The following SLC17A1 variants were observed in gnomAD, a reference collection of about 807,000 sequenced individuals.
SLC17A1 encodes sodium-dependent phosphate transport protein 1.
Under a neutral mutation model 53.5 loss-of-function variants are expected in SLC17A1, and 51 were observed. The ratio of observed to expected loss-of-function variants is 0.95; its 90% CI spans 0.76 to 1.20. The LOEUF is 1.20. Among genes scored for constraint, SLC17A1 ranks in the 50% most tolerant of loss-of-function variants. The pLI is 0.00. For missense variants in SLC17A1, 538 were observed against 568.2 expected (o/e 0.95, Z 0.54); for synonymous variants, 179 against 198.8 (o/e 0.90, Z 0.84).
chr6:25,732,324 T>C, the SLC17A1 span, among the ~76,000 whole-genome samples: 9 of 152,256 alleles, frequency 5.9e-5, no homozygotes, highest in African/African-American at 1.9e-4. Flanking sequence ...GGTTCTCTGA[T>C]TGGATAGATG....
chr6:25,733,930 T>C, the SLC17A1 span, among the ~76,000 whole-genome samples: 1 of 151,880 alleles, frequency 6.6e-6, no homozygotes, highest in Non-Finnish European at 1.5e-5. Flanking sequence ...TTCTCCTGCC[T>C]CAGCCTCCCG....
chr6:25,788,407 A>G (rs1222802989), intron 12 of SLC17A1, among the ~76,000 whole-genome samples: 1 of 152,034 alleles, frequency 6.6e-6, no homozygotes, highest in East Asian at 1.9e-4. Flanking sequence ...ACACAAGCTT[A>G]TTTTGCTTAA....
chr6:25,811,810 T>C, intron 8 of SLC17A1, 40 bp from the exon 9 acceptor site: 2 of 1,610,426 alleles, frequency 1.2e-6, no homozygotes, highest in Non-Finnish European at 1.7e-6. Context: ...GTTTGATGGG[T>C]AAAGCAGTAC....
At chr6:25,741,706 ACT>A in the SLC17A1 span, among the ~76,000 whole-genome samples, 2 of 151,818 alleles carry the variant, frequency 1.3e-5, no homozygotes, top group African/African-American at 4.8e-5. Flanking sequence ...ACAGAGCGAG[ACT>A]CTGTCTCAAA....
downstream of SLC17A1, among the ~76,000 whole-genome samples, chr6:25,781,671 A>G (rs11969060): frequency 2.5e-4 from 38 of 152,276 alleles, no homozygotes; most frequent in Non-Finnish European, 4.1e-4. Context: ...CAGAAAGCAC[A>G]TGGTGAGACA....
the SLC17A1 span, chr6:25,726,484 G>A: frequency 1.2e-6 from 2 of 1,613,152 alleles, no homozygotes; most frequent in Non-Finnish European, 1.7e-6. Context: ...GCGAGACTTA[G>A]ACTTGGCGCG....
At chr6:25,806,329 T>A (rs1165142144) in intron 10 of SLC17A1, among the ~76,000 whole-genome samples, 1 of 152,018 alleles carries the variant, frequency 6.6e-6, no homozygotes, top group African/African-American at 2.4e-5. Flanking sequence ...AAATCCAGCA[T>A]CCTTTGTAAT....
In SLC17A1 at chr6:25,792,141, C is replaced by G. The variant is rs143868951; in HGVS notation, c.*2+6642G>C. ...TCTCAGTTCCCTGAAAATCTGCATCCTTTTATATTTGGGACTTCCAGCATT... is the reference window on the plus strand; with the variant it reads ...TCTCAGTTCCCTGAAAATCTGCATCGTTTTATATTTGGGACTTCCAGCATT... On this transcript the variant is annotated intron_variant, in intron 12 of 12. Coordinates refer to ENST00000244527, the MANE Select transcript of SLC17A1 (RefSeq NM_005074.5). Among the ~76,000 whole-genome samples the G allele has an allele frequency of 7.2e-5, 11 of 152,232 alleles. No individual in the cohort carries two copies. The East Asian group carries it at 2.1e-3, about 29-fold the overall frequency.
Position 25,811,493 on chromosome 6 carries a change from G to T in SLC17A1, c.1083C>A (p.Thr361=), listed in dbSNP as rs1406646693. ...FGVCLPYLSS[T]FYSIVIFLIL... is the part of the protein sequence containing the mutation. Reference sequence around the variant, plus strand: ...TTAGGAAAATGACAATGCTGTAGAAGGTGGAACTCAGGTAAGGCAGGCAGA... The same window carrying T: ...TTAGGAAAATGACAATGCTGTAGAATGTGGAACTCAGGTAAGGCAGGCAGA... The change falls in exon 10 of 13, where the codon ACC becomes ACA. Residue 361 remains threonine (T), a synonymous_variant. Transcript: ENST00000244527. 1 of 1,613,884 alleles carries T rather than the reference G, an allele frequency of 6.2e-7. No homozygotes were observed. The highest frequency in any genetic ancestry group is 1.7e-5 in the Admixed American group (1 of 59,990).
intron 10 of SLC17A1, among the ~76,000 whole-genome samples, chr6:25,802,935 CTTTTTTT>C (rs34669145): frequency 6.5e-5 from 3 of 46,098 alleles, no homozygotes; most frequent in African/African-American, 1.8e-4. Flanking sequence ...CTATCTTCTT[CTTTTTTT>C]TTTTTTTTTT....
At chr6:25,774,296 C>T in the SLC17A1 span, among the ~76,000 whole-genome samples, 30 of 152,152 alleles carry the variant, frequency 2.0e-4, no homozygotes, top group Non-Finnish European at 3.4e-4. Flanking sequence ...CCTTTCAATT[C>T]CTGCTGGATG....
At chr6:25,820,049 G>A (rs2151500588) in intron 3 of SLC17A1, 134 bp from the exon 4 acceptor site, 12 of 602,044 alleles carry the variant, frequency 2.0e-5, no homozygotes, top group South Asian at 1.9e-4. Context: ...CTTTATCACA[G>A]GACCTTCTTT....
At chr6:25,828,617 T>C (rs1043457211) in intron 2 of SLC17A1, among the ~76,000 whole-genome samples, 6 of 151,996 alleles carry the variant, frequency 3.9e-5, no homozygotes, top group African/African-American at 1.4e-4. Flanking sequence ...TCTGTTAATA[T>C]TTTATTTAGG....
the SLC17A1 span, among the ~76,000 whole-genome samples, chr6:25,776,335 A>G: frequency 6.7e-6 from 1 of 150,154 alleles, no homozygotes; most frequent in African/African-American, 2.5e-5. Flanking sequence ...CTATTTTTGT[A>G]CTGGGTTTTG....
intron 10 of SLC17A1, among the ~76,000 whole-genome samples, chr6:25,805,549 GAAAGA>G (rs1763922855): frequency 6.6e-6 from 1 of 151,968 alleles, no homozygotes; most frequent in African/African-American, 2.4e-5. Flanking sequence ...AGATGAAATT[GAAAGA>G]ATCACAGTAC....
chr6:25,796,913 T>A (rs1763613106), intron 12 of SLC17A1, among the ~76,000 whole-genome samples: 1 of 152,184 alleles, frequency 6.6e-6, no homozygotes, highest in Non-Finnish European at 1.5e-5. Flanking sequence ...GATGCCAACC[T>A]ATATACTAAC....
intron 3 of SLC17A1, among the ~76,000 whole-genome samples, chr6:25,820,915 A>AG (rs1764536233): frequency 6.6e-6 from 1 of 151,478 alleles, no homozygotes; most frequent in Non-Finnish European, 1.5e-5. Flanking sequence ...AAAAAAAAAA[A>AG]AAGAATGATA....
the SLC17A1 span, among the ~76,000 whole-genome samples, chr6:25,749,437 A>T: frequency 6.6e-6 from 1 of 152,222 alleles, no homozygotes; most frequent in Non-Finnish European, 1.5e-5. Context: ...CCTTTTCTAC[A>T]TAGACACAAT....
At chr6:25,778,032 C>CTGATGAATATTCA (rs142909296), downstream of SLC17A1, 199,579 of 1,588,626 alleles carry the variant, frequency 0.13, 14,398 homozygotes, top group Middle Eastern at 0.17. Flanking sequence ...GTCAAATGTT[C>CTGATGAATATTCA]TGATGAATAT....
Sources: gnomAD v4.1 joint callset for allele counts (sites outside exome capture counted in the v4.1 genomes callset) on GRCh38, gnomAD v4.1.1 for gene constraint, MANE v1.5 for transcripts, NCBI Gene and HGNC (gene_info 2026-07-23, HGNC 2026-07-21) for gene names.